GSE1: variants seen among roughly 807,000 people sequenced by gnomAD.
GSE1 encodes genetic suppressor element 1.
In GSE1, 32 loss-of-function variants were observed where a neutral mutation model predicts 112.6. The ratio of observed to expected loss-of-function variants is 0.28; its 90% confidence interval spans 0.21 to 0.38. GSE1 has a LOEUF of 0.38. Among genes scored for constraint, GSE1 ranks in the 10% least tolerant of loss-of-function variants. GSE1 has a pLI of 1.00. For synonymous variants in GSE1, 1,115 were observed against 735.6 expected (o/e 1.52, Z -8.35); for missense variants, 2,348 against 1,699.2 (o/e 1.38, Z -6.71).
At chr16:85,670,905 T>C in intron 14 of GSE1, 90 bp from the exon 15 acceptor site, 1 of 790,918 alleles carries the variant, frequency 1.3e-6, no homozygotes, top group Non-Finnish European at 2.2e-6. Context: ...GGTTTTGGGC[T>C]CTGCTGGGCA....
intron 3 of GSE1, among the ~76,000 whole-genome samples, chr16:85,651,432 T>TC (rs1393424693): frequency 1.3e-5 from 2 of 152,012 alleles, no homozygotes; most frequent in Non-Finnish European, 2.9e-5. Context: ...TCCCTGTTTG[T>TC]CCTCAGCCAG....
Position 85,273,681 on chromosome 16 carries a change from A to G in GSE1, c.2284-83782A>G, listed in dbSNP as rs989055329. On this transcript the variant is annotated intron_variant, in intron 1 of 2. Transcript: ENST00000637419. ...AGAAGAGGAGTGACTGCTCATGGGC[A>G]TGGGGTCTCCTTTTTGGTTTTTTTT... Among the ~76,000 whole-genome samples, 6 of 151,912 alleles carry G rather than the reference A, an allele frequency of 3.9e-5. No individual in the cohort carries two copies. In the East Asian group the frequency reaches 1.2e-3, roughly 29 times the overall value.
chr16:85,224,357 G>A lies in GSE1; in HGVS notation c.2283+52550G>A, dbSNP rs1597838963. On this transcript the variant is annotated intron_variant, in intron 1 of 2. Transcript: ENST00000637419. ...GGGAACACACAGGGGCGGATTCCAG[G>A]AGCCAAACTCATTAAAAAAAAATTC... Among the ~76,000 whole-genome samples, 11 of 139,952 alleles carry A rather than the reference G, an allele frequency of 7.9e-5. 1 individual carries two copies. In the South Asian group the frequency reaches 2.6e-3, roughly 33 times the overall value. The allele number at this position is 139,952 out of a possible 152,430, so 91.8% of individuals were successfully genotyped here. A position where few individuals can be genotyped will look rare whatever the true frequency, so the allele number is the denominator to read the frequency against.
chr16:85,671,782 GA>G (rs2053361285), intron 15 of GSE1: 1 of 154,100 alleles, frequency 6.5e-6, no homozygotes, highest in African/African-American at 2.4e-5. Flanking sequence ...AAGGGAAGCT[GA>G]AGCAACTGAA....
chr16:85,622,976 G>A (rs1452953062), intron 1 of GSE1, among the ~76,000 whole-genome samples: 1 of 152,170 alleles, frequency 6.6e-6, no homozygotes, highest in Admixed American at 6.5e-5. Context: ...ACCATAGGGA[G>A]GGGAGGGGTG....
chr16:85,183,505 T>C (rs970167323), intron 1 of GSE1, among the ~76,000 whole-genome samples: 1 of 152,236 alleles, frequency 6.6e-6, no homozygotes, highest in African/African-American at 2.4e-5. Flanking sequence ...TGCTCTGCCC[T>C]CACCCCTGTG....
At chr16:85,482,454 C>T (rs1013909263) in intron 2 of GSE1, among the ~76,000 whole-genome samples, 3 of 152,150 alleles carry the variant, frequency 2.0e-5, no homozygotes, top group African/African-American at 4.8e-5. Flanking sequence ...ACAACTCGAG[C>T]GACCCGCGAC....
intron 1 of GSE1, among the ~76,000 whole-genome samples, chr16:85,300,108 T>C (rs1188500220): frequency 1.3e-5 from 2 of 151,658 alleles, no homozygotes; most frequent in Non-Finnish European, 2.9e-5. Context: ...GCCTCCCGGG[T>C]TCAAGTGATT....
At chr16:85,540,105 G>A (rs1190522482) in intron 2 of GSE1, among the ~76,000 whole-genome samples, 5 of 152,186 alleles carry the variant, frequency 3.3e-5, no homozygotes, top group South Asian at 2.1e-4. Context: ...GCTGATTCTC[G>A]ACTGGGAAGT....
chr16:85,276,445 C>T (rs1379691120), intron 1 of GSE1, among the ~76,000 whole-genome samples: 1 of 152,184 alleles, frequency 6.6e-6, no homozygotes, highest in South Asian at 2.1e-4. Context: ...TTCTGAGCAC[C>T]GCCTGTGTAC....
intron 1 of GSE1, among the ~76,000 whole-genome samples, chr16:85,620,737 T>C (rs1405005712): frequency 2.0e-5 from 3 of 152,222 alleles, no homozygotes; most frequent in Non-Finnish European, 4.4e-5. Flanking sequence ...GTCTCAGCCT[T>C]GGGTCTCTGC....
chr16:85,408,787 C>T, intron 2 of GSE1, among the ~76,000 whole-genome samples: 2 of 42,336 alleles, frequency 4.7e-5, no homozygotes, highest in African/African-American at 1.1e-4. Context: ...CAGGGTCCCT[C>T]TGATAATCCT....
chr16:85,472,499 C>T (rs1162793939), intron 2 of GSE1, among the ~76,000 whole-genome samples: 1 of 152,222 alleles, frequency 6.6e-6, no homozygotes, highest in African/African-American at 2.4e-5. Context: ...CCTTAGGACC[C>T]ACCTTATTCC....
chr16:85,537,173 C>G (rs572573832), intron 2 of GSE1, among the ~76,000 whole-genome samples: 3 of 152,202 alleles, frequency 2.0e-5, no homozygotes, highest in African/African-American at 7.2e-5. Flanking sequence ...AGGCAGGTGA[C>G]GCAGGGCCTA....
chr16:85,638,418 G>A (rs907754946), intron 2 of GSE1, among the ~76,000 whole-genome samples: 8 of 152,214 alleles, frequency 5.3e-5, no homozygotes, highest in African/African-American at 1.9e-4. Context: ...CACTGCCGAG[G>A]CTGGGGCGCT....
intron 1 of GSE1, among the ~76,000 whole-genome samples, chr16:85,312,070 A>G (rs1375208819): frequency 1.3e-5 from 2 of 151,732 alleles, no homozygotes; most frequent in Admixed American, 6.6e-5. Context: ...TCTGCCTTGC[A>G]CCCCCAGAGC....
At chr16:85,630,978 G>A (rs2049493061) in intron 1 of GSE1, among the ~76,000 whole-genome samples, 3 of 152,208 alleles carry the variant, frequency 2.0e-5, no homozygotes, top group African/African-American at 4.8e-5. Context: ...CGACTGGTCT[G>A]TGTGACTTCT....
intron 2 of GSE1, among the ~76,000 whole-genome samples, chr16:85,504,044 C>T (rs8061707): frequency 0.17 from 26,124 of 152,202 alleles, 2,534 homozygotes; most frequent in South Asian, 0.27. Context: ...CCTCCGCCCG[C>T]CCTCTGCCTC....
chr16:85,370,342 C>G (rs1385573582), intron 2 of GSE1, among the ~76,000 whole-genome samples: 1 of 152,172 alleles, frequency 6.6e-6, no homozygotes, highest in Non-Finnish European at 1.5e-5. Context: ...CTGCCTCTGC[C>G]TGCCCCTCAA....
Sources: gnomAD v4.1 joint callset for allele counts (sites outside exome capture counted in the v4.1 genomes callset) on GRCh38, gnomAD v4.1.1 for gene constraint, MANE v1.5 for transcripts, NCBI Gene and HGNC (gene_info 2026-07-23, HGNC 2026-07-21) for gene names.